Variants in UBE2Q2 observed in about 807,000 individuals in gnomAD.
UBE2Q2 encodes ubiquitin-conjugating enzyme E2 Q2.
UBE2Q2 carries 54 observed loss-of-function variants against 59.9 expected under a neutral mutation model. The ratio of observed to expected loss-of-function variants is 0.90; its 90% CI spans 0.72 to 1.13. The LOEUF is 1.13. Among genes scored for constraint, UBE2Q2 ranks in the 50% most tolerant of loss-of-function variants. UBE2Q2 has a pLI of 0.00. For missense variants in UBE2Q2, 433 were observed against 441.9 expected (o/e 0.98, Z 0.18); for synonymous variants, 165 against 155.2 (o/e 1.06, Z -0.47).
In UBE2Q2 at chr15:75,868,995, A is replaced by C. The variant is rs1338294782; in HGVS notation, c.432A>C (p.Glu144Asp). Residue 144 changes from glutamate (E) to aspartate (D), a missense_variant, in exon 4 of 13, where the codon GAA (glutamate) becomes GAC (aspartate). Transcript: ENST00000267938. ...EEVTSEEEEEEEEMAEDIEDL... is the reference protein window; with the variant it reads ...EEVTSEEEEEDEEMAEDIEDL... ...TGACTTCAGAAGAAGAGGAAGAAGAAGAAGAGATGGCTGAAGTAGGTATTT... is the reference window on the plus strand; with the variant it reads ...TGACTTCAGAAGAAGAGGAAGAAGACGAAGAGATGGCTGAAGTAGGTATTT... The C allele has an allele frequency of 5.6e-6, 9 of 1,612,650 alleles. No individual in the cohort carries two copies. The highest frequency in any genetic ancestry group is 1.1e-5 in the South Asian group (1 of 91,036).
At chr15:75,884,808 C>T (rs1898664461) in intron 9 of UBE2Q2, among the ~76,000 whole-genome samples, 1 of 151,886 alleles carries the variant, frequency 6.6e-6, no homozygotes, top group South Asian at 2.1e-4. Context: ...GCCACCATGC[C>T]CAGCTAATTT....
rs541617460 is a variant in UBE2Q2 at position 75,885,121 on chromosome 15, T to G, written c.884+1697T>G. 7.9e-5 allele frequency among the ~76,000 whole-genome samples: 12 copies of G among 151,276 alleles called. No homozygotes were observed. The South Asian group carries it at 8.3e-4, about 11-fold the overall frequency. ...TCTGTAAGCACTAATAGTAGTGGGG[T>G]TTTTTTTTATTTGTTTTTTGAGACG... On this transcript the variant is annotated intron_variant, in intron 9 of 12. Transcript: ENST00000267938.
chr15:75,899,325 C>A, intron 12 of UBE2Q2, 102 bp from the exon 13 acceptor site: 1 of 540,384 alleles, frequency 1.9e-6, no homozygotes, highest in Non-Finnish European at 2.8e-6. Context: ...AGATTTTAAA[C>A]ACCAAAATTA....
intron 1 of UBE2Q2, among the ~76,000 whole-genome samples, chr15:75,847,889 G>T (rs1369371576): frequency 6.6e-6 from 1 of 152,070 alleles, no homozygotes; most frequent in Admixed American, 6.6e-5. Flanking sequence ...CCCTTTCTGC[G>T]TATAAGTGGC....
chr15:75,843,603 GGCCCGGCTCCCCTTCCGC>G lies in UBE2Q2; in HGVS notation c.-41_-24del, dbSNP rs890546015. 4.7e-4 allele frequency: 688 copies of G among 1,454,360 alleles called. No homozygotes were observed. Among genetic ancestry groups the G allele is most frequent in the East Asian group, 1.9e-3 (64 of 33,408 alleles). The allele number at this position is 1,454,360 out of a possible 1,614,324, so 90.1% of individuals were successfully genotyped here. The stretch of plus-strand genomic sequence containing the variant: ...GGTCGCGGCCGTGACGGCGGCTCCG[GGCCCGGCTCCCCTTCCGC>G]GCCCGGCTCCCCTTCCGCGCCCCTC... On this transcript the variant is annotated 5_prime_UTR_variant, in exon 1 of 13. Transcript: ENST00000267938.
chr15:75,873,607 G>T, intron 5 of UBE2Q2, 39 bp downstream of exon 5: 1 of 1,579,272 alleles, frequency 6.3e-7, no homozygotes, highest in East Asian at 2.3e-5. Context: ...GACTTTTGTG[G>T]TTAAATAATT....
At chr15:75,857,021 G>A (rs1896954498) in intron 2 of UBE2Q2, among the ~76,000 whole-genome samples, 1 of 152,210 alleles carries the variant, frequency 6.6e-6, no homozygotes, top group Admixed American at 6.5e-5. Flanking sequence ...AGCACTTTGG[G>A]AGGCTGAGGT....
chr15:75,859,104 T>C (rs1897079615), intron 2 of UBE2Q2, among the ~76,000 whole-genome samples: 1 of 152,232 alleles, frequency 6.6e-6, no homozygotes, highest in Non-Finnish European at 1.5e-5. Flanking sequence ...TTTTAAACAA[T>C]GAACACCATA....
intron 8 of UBE2Q2, among the ~76,000 whole-genome samples, chr15:75,879,520 A>T (rs530001144): frequency 1.2e-4 from 18 of 152,224 alleles, no homozygotes; most frequent in Non-Finnish European, 1.9e-4. Flanking sequence ...TGGACTCCAA[A>T]ACCTATTTTG....
At chr15:75,899,056 T>G (rs1387128492) in intron 12 of UBE2Q2, among the ~76,000 whole-genome samples, 1 of 149,630 alleles carries the variant, frequency 6.7e-6, no homozygotes, top group Non-Finnish European at 1.5e-5. Flanking sequence ...AGGTCATTAG[T>G]TGGAGACCAG....
chr15:75,848,134 C>T (rs1354601297), intron 1 of UBE2Q2, among the ~76,000 whole-genome samples: 1 of 152,030 alleles, frequency 6.6e-6, no homozygotes, highest in Non-Finnish European at 1.5e-5. Flanking sequence ...TTTTGCACTG[C>T]AAGAGAGCAT....
At chr15:75,872,435 A>G (rs1452728869) in intron 4 of UBE2Q2, among the ~76,000 whole-genome samples, 5 of 151,988 alleles carry the variant, frequency 3.3e-5, no homozygotes, top group Admixed American at 6.6e-5. Context: ...GCATAGATTT[A>G]TATATGTGTA....
At chr15:75,884,333 G>A (rs1301981171) in intron 9 of UBE2Q2, among the ~76,000 whole-genome samples, 1 of 152,072 alleles carries the variant, frequency 6.6e-6, no homozygotes, top group East Asian at 1.9e-4. Flanking sequence ...TTGCATTTAG[G>A]GTAAAAATAT....
intron 4 of UBE2Q2, among the ~76,000 whole-genome samples, chr15:75,869,895 T>G (rs1423459163): frequency 6.6e-6 from 1 of 152,216 alleles, no homozygotes; most frequent in Non-Finnish European, 1.5e-5. Context: ...AGAACAAAGA[T>G]CTTTGTTTCT....
At chr15:75,896,376 T>C (rs1456631438) in intron 11 of UBE2Q2, among the ~76,000 whole-genome samples, 2 of 152,232 alleles carry the variant, frequency 1.3e-5, no homozygotes, top group Non-Finnish European at 2.9e-5. Context: ...GGTACCACTA[T>C]GGAGAGTGCT....
intron 3 of UBE2Q2, among the ~76,000 whole-genome samples, chr15:75,866,209 C>A (rs1453209430): frequency 6.6e-6 from 1 of 151,622 alleles, no homozygotes; most frequent in African/African-American, 2.4e-5. Flanking sequence ...GTCTTGCTCT[C>A]TTGCCCAGGC....
rs1281574859 is a variant in UBE2Q2, at chr15:75,843,816, G to T, written c.150G>T (p.Pro50=). ...VPQQGSPHSL[P]PPLTLHCNIT... ...AGCAGGGCAGCCCGCACTCGCTGCCGCCGCCACTCACGCTCCACTGCAACA... is the reference window on the plus strand; with the variant it reads ...AGCAGGGCAGCCCGCACTCGCTGCCTCCGCCACTCACGCTCCACTGCAACA... The change falls in exon 1 of 13, where the codon CCG becomes CCT. Residue 50 remains proline (P), a synonymous_variant. Transcript: ENST00000267938. 3.1e-6 allele frequency: 5 copies of T among 1,599,140 alleles called. No homozygotes were observed. The highest frequency in any genetic ancestry group is 1.7e-5 in the Admixed American group (1 of 58,460).
intron 1 of UBE2Q2, among the ~76,000 whole-genome samples, chr15:75,846,745 T>C (rs1458993415): frequency 6.6e-6 from 1 of 152,232 alleles, no homozygotes; most frequent in Non-Finnish European, 1.5e-5. Context: ...ATATTTGAAT[T>C]CTACATGCTA....
chr15:75,882,630 G>A (rs1277990657), intron 8 of UBE2Q2, among the ~76,000 whole-genome samples: 4 of 152,162 alleles, frequency 2.6e-5, no homozygotes, highest in African/African-American at 9.7e-5. Flanking sequence ...TACTTTATTT[G>A]AAAGTAGATT....
Sources: gnomAD v4.1 joint callset for allele counts (sites outside exome capture counted in the v4.1 genomes callset) on GRCh38, gnomAD v4.1.1 for gene constraint, MANE v1.5 for transcripts, NCBI Gene and HGNC (gene_info 2026-07-23, HGNC 2026-07-21) for gene names.